The following ZNF106 variants were observed in gnomAD, a reference collection of about 807,000 sequenced individuals.
The protein encoded by ZNF106 is zinc finger protein 106.
In ZNF106, 67 loss-of-function variants were observed where a neutral mutation model predicts 195.1. That is an observed-to-expected ratio of 0.34 (90% CI 0.28 to 0.42). ZNF106 has a LOEUF of 0.42. Among genes scored for constraint, ZNF106 ranks in the 10% least tolerant of loss-of-function variants. ZNF106 has a pLI of 1.00. For missense variants in ZNF106, 2,118 were observed against 2,304.5 expected, an observed-to-expected ratio of 0.92 and a Z score of 1.66; for synonymous variants, 784 against 818.6, an observed-to-expected ratio of 0.96 and a Z score of 0.72.
At chr15:42,472,575 C>T (rs1322856074) in intron 1 of ZNF106, among the ~76,000 whole-genome samples, 3 of 152,088 alleles carry the variant, frequency 2.0e-5, no homozygotes, top group Non-Finnish European at 4.4e-5. Context: ...CACTTCTCAC[C>T]ACCCAGCACA....
intron 15 of ZNF106, among the ~76,000 whole-genome samples, chr15:42,425,993 CAGA>C (rs2054842903): frequency 6.6e-6 from 1 of 152,200 alleles, no homozygotes; most frequent in Admixed American, 6.5e-5. Context: ...CCCACTTCCA[CAGA>C]AGTTTTTTAG....
chr15:42,415,192 G>C lies in ZNF106; in HGVS notation c.*2112C>G, dbSNP rs1182128175. 8.7e-6 allele frequency: 2 copies of C among 230,672 alleles called. No homozygotes were observed. Among genetic ancestry groups the C allele is most frequent in the Middle Eastern group, 1.5e-3 (1 of 666 alleles). The allele number at this position is 230,672 out of a possible 1,614,324, so 14.3% of individuals were successfully genotyped here. On this transcript the variant is annotated 3_prime_UTR_variant, in exon 22 of 22. Transcript: ENST00000564754. ...GCTGGAGTGCAGTAGTATGATCTTG[G>C]CTCACTGCAACTTCTACCTCCAGGG...
rs534934464 is a variant in ZNF106 at position 42,430,450 on chromosome 15, G to A, written c.4882-2316C>T. Among the ~76,000 whole-genome samples the A allele has an allele frequency of 1.4e-3, 209 of 152,128 alleles. 6 individuals are homozygous for A. The South Asian group carries it at 0.042, about 31-fold the overall frequency. On this transcript the variant is annotated intron_variant, in intron 14 of 21. Coordinates refer to ENST00000564754, the MANE Select transcript of ZNF106 (RefSeq NM_001366845.3). ...GCTAGAGTGCAGTGACGTGATTACT[G>A]CTCACTGCAGCCTTGACCTCCGAGG... is the stretch of plus-strand genomic sequence containing the variant.
chr15:42,437,966 C>T (rs12438745), intron 12 of ZNF106, among the ~76,000 whole-genome samples: 15,524 of 151,586 alleles, frequency 0.1, 923 homozygotes, highest in Non-Finnish European at 0.14. Context: ...ATCTCTCCCA[C>T]ACTTCCAAAA....
chr15:42,447,931 AAAGT>A, intron 6 of ZNF106, 137 bp downstream of exon 6: 3 of 989,230 alleles, frequency 3.0e-6, no homozygotes, highest in South Asian at 1.6e-5. Flanking sequence ...CAGTAGGATG[AAAGT>A]AAGAACCTCA....
chr15:42,425,068 G>C (rs1342556013), intron 15 of ZNF106, 43 bp from the exon 16 acceptor site: 2 of 1,591,540 alleles, frequency 1.3e-6, no homozygotes, highest in Non-Finnish European at 1.7e-6. Flanking sequence ...AACTTAGCTG[G>C]AAAATTCAAC....
At chr15:42,462,049 A>G (rs1041627115) in intron 3 of ZNF106, among the ~76,000 whole-genome samples, 5 of 152,190 alleles carry the variant, frequency 3.3e-5, no homozygotes, top group African/African-American at 9.7e-5. Context: ...ATGTGAGTAA[A>G]TAAGTACTAA....
At chr15:42,420,796 G>C (rs2054626276) in intron 20 of ZNF106, among the ~76,000 whole-genome samples, 1 of 152,136 alleles carries the variant, frequency 6.6e-6, no homozygotes, top group Non-Finnish European at 1.5e-5. Flanking sequence ...CTGATGAGCG[G>C]GAGTAGAGGG....
At position 42,413,591 on chromosome 15, in the gene ZNF106, C is replaced by G. The variant is rs1354639709; in HGVS notation, c.*3713G>C. On this transcript the variant is annotated 3_prime_UTR_variant, in exon 22 of 22. Coordinates refer to ENST00000564754, the MANE Select transcript of ZNF106 (RefSeq NM_001366845.3). ...AAGTATATACCTACTCCCACCAAAT[C>G]ATCCACATGCCTCATCACTAAAGTT... 6.6e-6 allele frequency: 1 copy of G among 152,652 alleles called. No individual in the cohort carries two copies. Among genetic ancestry groups the G allele is most frequent in the African/African-American group, 2.4e-5 (1 of 41,456 alleles). The allele number at this position is 152,652 out of a possible 1,614,324, so 9.5% of individuals were successfully genotyped here.
At chr15:42,472,486 C>G (rs2056696637) in intron 1 of ZNF106, among the ~76,000 whole-genome samples, 165 bp from the exon 2 acceptor site, 1 of 152,078 alleles carries the variant, frequency 6.6e-6, no homozygotes, top group Non-Finnish European at 1.5e-5. Context: ...GGGAGCCATC[C>G]TTGATCCTTC....
rs2141315568 is a variant in ZNF106, at chr15:42,439,116, T to C, written c.4461A>G (p.Pro1487=). Reference sequence around the variant, plus strand: ...CACACCCAGAACGAGACGTTTCTAGTGGGTTTTGCTCTGTAGAGTTCCAAA... The same window carrying C: ...CACACCCAGAACGAGACGTTTCTAGCGGGTTTTGCTCTGTAGAGTTCCAAA... The part of the protein sequence containing the change: ...KDIWNSTEQN[P]LETSRSGCDE... Residue 1487 remains proline, a synonymous_variant, in exon 11 of 22, where the codon CCA becomes CCG. Transcript: ENST00000564754. 5 of 1,614,190 alleles carry C rather than the reference T, an allele frequency of 3.1e-6. No homozygotes were observed. Among genetic ancestry groups the C allele is most frequent in the Non-Finnish European group, 4.2e-6 (5 of 1,180,032 alleles).
chr15:42,440,998 A>AAAATATAT (rs1567009198), intron 10 of ZNF106, among the ~76,000 whole-genome samples: 3 of 23,572 alleles, frequency 1.3e-4, no homozygotes, highest in African/African-American at 2.5e-4. Context: ...AAAAAAAAAA[A>AAAATATAT]ATATATATAT....
chr15:42,471,536 G>C (rs2056668777), intron 2 of ZNF106, among the ~76,000 whole-genome samples: 1 of 152,104 alleles, frequency 6.6e-6, no homozygotes, highest in Admixed American at 6.6e-5. Flanking sequence ...TTCAAGACCA[G>C]CCTGTGCAAC....
Position 42,448,265 on chromosome 15 carries a change from T to C in ZNF106, c.2942A>G (p.Gln981Arg), listed in dbSNP as rs756336404. 3 of 1,614,228 alleles carry C rather than the reference T, an allele frequency of 1.9e-6. No individual in the cohort carries two copies. In the Admixed American group the frequency reaches 5.0e-5, roughly 27 times the overall value. ...LMHLAKDLNSQERSIPPSENQ... is the reference protein window; with the variant it reads ...LMHLAKDLNSRERSIPPSENQ... ...CTCTGACGGTGGTATAGACCTCTCC[T>C]GGCTGTTCAAGTCTTTTGCCAAATG... Residue 981 changes from glutamine (Q) to arginine (R), a missense_variant, in exon 6 of 22, where the codon CAG becomes CGG. By Grantham distance (43) the Gln-to-Arg change is conservative (BLOSUM62 1). Transcript: ENST00000564754.
intron 13 of ZNF106, among the ~76,000 whole-genome samples, chr15:42,435,754 CTTA>C (rs1026597486): frequency 1.3e-5 from 2 of 152,094 alleles, no homozygotes; most frequent in African/African-American, 4.8e-5. Context: ...CCAGAAAATA[CTTA>C]TGGCAACACT....
At chr15:42,482,528 T>TTTTG (rs2081427406) in intron 1 of ZNF106, among the ~76,000 whole-genome samples, 1 of 136,694 alleles carries the variant, frequency 7.3e-6, no homozygotes, top group Non-Finnish European at 1.6e-5. Context: ...TCCAGTTTTT[T>TTTTG]TTTTTTTTTT....
rs769904250 is a variant in ZNF106, at chr15:42,450,170, T to C, written c.2102A>G (p.Gln701Arg). The change falls in exon 5 of 22, where the codon CAG becomes CGG. Residue 701 changes from glutamine (Q) to arginine (R), a missense_variant. Coordinates refer to ENST00000564754, the MANE Select transcript of ZNF106 (RefSeq NM_001366845.3). ...LDLKTSLEDA[Q>R]VDDSIKSHVS... ...ATGAGATTTAATAGAGTCATCAACC[T>C]GTGCATCTTCTAGAGAGGTTTTCAA... The C allele has an allele frequency of 6.2e-7, 1 of 1,614,202 alleles. No individual in the cohort carries two copies. Among genetic ancestry groups the C allele is most frequent in the South Asian group, 1.1e-5 (1 of 91,082 alleles).
At chr15:42,424,700 G>C in intron 16 of ZNF106, 134 bp downstream of exon 16, 1 of 871,110 alleles carries the variant, frequency 1.1e-6, no homozygotes, top group Non-Finnish European at 1.7e-6. Context: ...GGCTGGTCTC[G>C]AACTTCTGAG....
Position 42,435,436 on chromosome 15 carries a change from GC to G in ZNF106, c.4828del (p.Ala1610LeufsTer56). The G allele has an allele frequency of 6.2e-7, 1 of 1,614,214 alleles. No homozygotes were observed. The highest frequency in any genetic ancestry group is 8.5e-7 in the Non-Finnish European group (1 of 1,180,038). On this transcript the variant is annotated frameshift_variant, in exon 14 of 22. Transcript: ENST00000564754. LOFTEE classifies it high-confidence loss of function. ...LLVTQTSGKN[A>X]ALYTGSSDHT... ...GTCACTGGACCCGGTGTAAAGGGCA[GC>G]ATTCTTCCCGGAGGTCTGAGTAACC...
Sources: allele counts gnomAD v4.1 joint callset (sites outside exome capture counted in the v4.1 genomes callset), GRCh38; gene constraint gnomAD v4.1.1; transcripts MANE v1.5; gene names NCBI Gene and HGNC (gene_info 2026-07-23, HGNC 2026-07-21).